Variants in LRRC53 observed in about 807,000 individuals in gnomAD.
The protein encoded by LRRC53 is leucine-rich repeat-containing protein 53.
Under a neutral mutation model 13.6 loss-of-function variants are expected in LRRC53, and 25 were observed. That is an observed-to-expected ratio of 1.83 (90% CI 1.34 to 2.56). LRRC53 has a LOEUF of 2.56. Ranked by LOEUF, LRRC53 falls within the 30% of genes most tolerant of loss-of-function variation. The pLI is 0.00. For missense variants in LRRC53, 527 were observed against 275.8 expected, an observed-to-expected ratio of 1.91 and a Z score of -6.45; for synonymous variants, 204 against 109.8, an observed-to-expected ratio of 1.86 and a Z score of -5.37.
chr1:74,493,273 T>A (rs971227992), intron 1 of LRRC53, among the ~76,000 whole-genome samples: 2 of 152,150 alleles, frequency 1.3e-5, no homozygotes, highest in South Asian at 4.1e-4. Flanking sequence ...ATGAAAAGAT[T>A]TTGGAATTAA....
At chr1:74,498,016 C>A (rs1669421334) in intron 1 of LRRC53, among the ~76,000 whole-genome samples, 1 of 151,812 alleles carries the variant, frequency 6.6e-6, no homozygotes, top group Non-Finnish European at 1.5e-5. Flanking sequence ...TTTTGTATTC[C>A]CAAGGACTAA....
chr1:74,481,042 GAATC>G, intron 2 of LRRC53, 74 bp from the exon 3 acceptor site: 1 of 628,360 alleles, frequency 1.6e-6, no homozygotes, highest in Non-Finnish European at 2.9e-6. Context: ...GGAGAGCAGA[GAATC>G]AATATCCTCT....
intron 1 of LRRC53, chr1:74,489,059 GT>G (rs972321017): frequency 1.0e-5 from 7 of 683,242 alleles, no homozygotes; most frequent in Non-Finnish European, 1.6e-5. Context: ...CAATAAAAGT[GT>G]ATTTTAAATA....
At chr1:74,520,254 A>G in the LRRC53 span, among the ~76,000 whole-genome samples, 1 of 152,266 alleles carries the variant, frequency 6.6e-6, no homozygotes, top group South Asian at 2.1e-4. Context: ...TTTTCAAAAA[A>G]TTGACTCAAC....
intron 1 of LRRC53, among the ~76,000 whole-genome samples, chr1:74,491,925 G>C (rs921134632): frequency 6.6e-6 from 1 of 152,180 alleles, no homozygotes; most frequent in African/African-American, 2.4e-5. Context: ...AATTAAGCTA[G>C]GCAGATGTTG....
intron 3 of LRRC53, among the ~76,000 whole-genome samples, chr1:74,479,431 G>A (rs1170628924): frequency 1.3e-5 from 2 of 152,086 alleles, no homozygotes; most frequent in Non-Finnish European, 2.9e-5. Context: ...GGAAGTATGG[G>A]CCAAGTTTAC....
intron 1 of LRRC53, among the ~76,000 whole-genome samples, chr1:74,486,710 C>G (rs1268791968): frequency 6.6e-6 from 1 of 151,634 alleles, no homozygotes; most frequent in East Asian, 1.9e-4. Flanking sequence ...GGTAAAGAGA[C>G]TCAAAGACTG....
chr1:74,498,193 C>G (rs1279662976), intron 1 of LRRC53, among the ~76,000 whole-genome samples: 1 of 152,170 alleles, frequency 6.6e-6, no homozygotes, highest in African/African-American at 2.4e-5. Flanking sequence ...CATAAACACC[C>G]CATGTTTATC....
Position 74,471,240 on chromosome 1 carries a change from C to T in LRRC53, c.2382G>A (p.Lys794=). 7.5e-6 allele frequency: 3 copies of T among 400,672 alleles called. 1 individual carries two copies. The South Asian group carries it at 3.8e-4, about 50-fold the overall frequency. 24.8% of individuals were successfully genotyped at this position (400,672 alleles called of 1,614,324 possible). Residue 794 remains lysine (K), a synonymous_variant, in exon 5 of 5, where the codon AAG becomes AAA. Transcript: ENST00000294635. ...SKRLPLKHDS[K]QTPYYQRNTK... is the part of the protein sequence containing the mutation. Reference sequence around the variant, plus strand: ...TGTTTCGTTGATAATATGGGGTCTGCTTTGAGTCATGTTTCAGAGGCAGCC... The same window carrying T: ...TGTTTCGTTGATAATATGGGGTCTGTTTTGAGTCATGTTTCAGAGGCAGCC...
At chr1:74,502,099 A>T (rs1269770975) in intron 1 of LRRC53, among the ~76,000 whole-genome samples, 3 of 152,200 alleles carry the variant, frequency 2.0e-5, no homozygotes, top group Non-Finnish European at 4.4e-5. Flanking sequence ...ATCTATTAAA[A>T]TTCATGCTAT....
chr1:74,478,192 A>G (rs1570673696), intron 3 of LRRC53, among the ~76,000 whole-genome samples: 1 of 152,192 alleles, frequency 6.6e-6, no homozygotes, highest in African/African-American at 2.4e-5. Flanking sequence ...GGAGCAAATT[A>G]ACATCAAAAA....
At chr1:74,521,030 G>T in the LRRC53 span, among the ~76,000 whole-genome samples, 1 of 152,136 alleles carries the variant, frequency 6.6e-6, no homozygotes, top group African/African-American at 2.4e-5. Context: ...TCTCTGCTCT[G>T]GTTGCCCTGA....
chr1:74,505,377 G>C (rs1417094172), intron 1 of LRRC53, among the ~76,000 whole-genome samples: 1 of 152,174 alleles, frequency 6.6e-6, no homozygotes, highest in Non-Finnish European at 1.5e-5. Context: ...TTTGTGTTGC[G>C]AAGCTGAATC....
At chr1:74,534,025 C>T in the LRRC53 span, among the ~76,000 whole-genome samples, 21 of 152,146 alleles carry the variant, frequency 1.4e-4, no homozygotes, top group Admixed American at 3.3e-4. Context: ...ATCCCCAAAA[C>T]GCCGGTGAAA....
chr1:74,525,869 AG>A, the LRRC53 span, among the ~76,000 whole-genome samples: 136 of 152,326 alleles, frequency 8.9e-4, 1 homozygote, highest in Admixed American at 6.5e-3. Context: ...GAGTGGGGTA[AG>A]AACCCCCACA....
the LRRC53 span, among the ~76,000 whole-genome samples, chr1:74,525,141 C>T: frequency 1.3e-5 from 2 of 151,910 alleles, no homozygotes; most frequent in Non-Finnish European, 2.9e-5. Flanking sequence ...AAGCTGAGGC[C>T]TGAAAGATAA....
chr1:74,534,846 T>G, the LRRC53 span, among the ~76,000 whole-genome samples: 1 of 152,154 alleles, frequency 6.6e-6, no homozygotes, highest in South Asian at 2.1e-4. Flanking sequence ...TCTCTACAGT[T>G]TCCTCTGCTT....
At chr1:74,517,125 T>G (rs539937160), upstream of LRRC53, among the ~76,000 whole-genome samples, 4 of 152,298 alleles carry the variant, frequency 2.6e-5, no homozygotes, top group African/African-American at 9.6e-5. Flanking sequence ...TTATTATGTA[T>G]TACACAAATC....
At chr1:74,524,552 C>G in the LRRC53 span, among the ~76,000 whole-genome samples, 1 of 152,142 alleles carries the variant, frequency 6.6e-6, no homozygotes, top group South Asian at 2.1e-4. Flanking sequence ...TGGAATGATG[C>G]TCATAAAAGA....
Sources: allele counts gnomAD v4.1 joint callset (sites outside exome capture counted in the v4.1 genomes callset), GRCh38; gene constraint gnomAD v4.1.1; transcripts MANE v1.5; gene names NCBI Gene and HGNC (gene_info 2026-07-23, HGNC 2026-07-21).